The following CDC40 variants were observed in gnomAD, a reference collection of about 807,000 sequenced individuals.
CDC40 encodes the protein cell division cycle 40.
CDC40 carries 27 observed loss-of-function variants against 80.6 expected under a neutral mutation model. The observed-to-expected ratio is 0.33, with a 90% CI of 0.25 to 0.46. CDC40 has a LOEUF of 0.46. Among genes scored for constraint, CDC40 ranks in the 20% least tolerant of loss-of-function variants. The probability of loss-of-function intolerance (pLI) is 1.00; values close to 1 mark genes in which losing one functional copy is unlikely to be tolerated. For synonymous variants in CDC40, 221 were observed against 232.6 expected (o/e 0.95, Z 0.45); for missense variants, 486 against 694.1 (o/e 0.70, Z 3.37).
chr6:110,231,065 C>T lies in CDC40; in HGVS notation c.*934C>T, dbSNP rs1488868906. The T allele has an allele frequency of 2.0e-5, 3 of 151,808 alleles. No homozygotes were observed. The highest frequency in any genetic ancestry group is 2.1e-4 in the South Asian group (1 of 4,816). 9.4% of individuals were successfully genotyped at this position (151,808 alleles called of 1,614,324 possible). The stretch of plus-strand genomic sequence containing the variant: ...TTCTTATTTTACCTGTGAATATATA[C>T]AACAGAACTTTTTAAGATTAAAAAA... On this transcript the variant is annotated 3_prime_UTR_variant, in exon 15 of 15. Coordinates refer to ENST00000307731, the MANE Select transcript of CDC40 (RefSeq NM_015891.3).
chr6:110,180,642 T>G lies in CDC40; in HGVS notation c.189+9T>G. On this transcript the variant is annotated intron_variant, in intron 1 of 14. Coordinates refer to ENST00000307731, the MANE Select transcript of CDC40 (RefSeq NM_015891.3). ...CGGAGGTGGCAGTTAAGGTAAGCACTTTTGCTACTAATGCAGTGTGGGAAT... is the reference window on the plus strand; with the variant it reads ...CGGAGGTGGCAGTTAAGGTAAGCACGTTTGCTACTAATGCAGTGTGGGAAT... 1.2e-6 allele frequency: 2 copies of G among 1,603,552 alleles called. No homozygotes were observed. The highest frequency in any genetic ancestry group is 1.7e-6 in the Non-Finnish European group (2 of 1,170,846).
intron 4 of CDC40, 50 bp from the exon 5 acceptor site, chr6:110,209,034 A>G: frequency 3.6e-6 from 4 of 1,107,598 alleles, no homozygotes; most frequent in Non-Finnish European, 3.9e-6. Flanking sequence ...GAAAATGTAC[A>G]TCTTTGTAAT....
intron 3 of CDC40, 34 bp downstream of exon 3, chr6:110,201,721 G>T: frequency 1.3e-6 from 2 of 1,597,942 alleles, no homozygotes; most frequent in South Asian, 2.2e-5. Context: ...TTTCAATTTT[G>T]GCTTTATTAG....
Position 110,192,023 on chromosome 6 carries a change from C to T in CDC40, c.190-1159C>T, listed in dbSNP as rs537266443. Among the ~76,000 whole-genome samples the T allele has an allele frequency of 7.3e-4, 111 of 152,278 alleles. 3 individuals carry two copies. In the South Asian group the frequency reaches 0.022, roughly 30 times the overall value. On this transcript the variant is annotated intron_variant, in intron 1 of 14. Transcript: ENST00000307731. ...AAAACAAAAATGCCCTGTAAAACTACTCTAGGGAACCTGCCTACTTCCTGA... is the reference window on the plus strand; with the variant it reads ...AAAACAAAAATGCCCTGTAAAACTATTCTAGGGAACCTGCCTACTTCCTGA...
rs1777166134 is a variant in CDC40, at chr6:110,180,551, C to G, written c.107C>G (p.Ser36Cys). ...SSRCPLPAADSLMHLTKSPSS... is the reference protein window; with the variant it reads ...SSRCPLPAADCLMHLTKSPSS... ...CGGTGTCCGCTGCCAGCCGCCGACT[C>G]CCTCATGCACTTGACTAAATCGCCT... Residue 36 changes from serine to cysteine, a missense_variant, in exon 1 of 15, where the codon TCC (serine) becomes TGC (cysteine). Around this residue, in one of 3 missense-constraint regions of CDC40, gnomAD observed 381 missense variants for 492.1 expected, o/e 0.77. Transcript: ENST00000307731. 5 of 1,614,146 alleles carry G rather than the reference C, an allele frequency of 3.1e-6. No homozygotes were observed. The East Asian group carries it at 1.1e-4, about 36-fold the overall frequency.
intron 7 of CDC40, 32 bp downstream of exon 7, chr6:110,212,304 A>G (rs1336786424): frequency 1.2e-6 from 2 of 1,606,616 alleles, no homozygotes; most frequent in Non-Finnish European, 1.7e-6. Context: ...GTTTGCTGTA[A>G]TGTTATAATA....
In CDC40 at chr6:110,220,477, T is replaced by G. The variant is rs1397971252; in HGVS notation, c.1340+608T>G. On this transcript the variant is annotated intron_variant, in intron 12 of 14. Transcript: ENST00000307731. ...TTTTTTTTTTTTTTTTGAGACGGAT[T>G]CTTGCTGTGCCACCCAGGCTGCAGT... 2.8e-5 allele frequency among the ~76,000 whole-genome samples: 4 copies of G among 143,868 alleles called. 1 individual carries two copies. In the South Asian group the frequency reaches 9.2e-4, roughly 33 times the overall value. The allele number at this position is 143,868 out of a possible 152,430, so 94.4% of individuals were successfully genotyped here.
At chr6:110,226,464 CAA>C (rs1252142754) in intron 13 of CDC40, among the ~76,000 whole-genome samples, 2 of 152,136 alleles carry the variant, frequency 1.3e-5, no homozygotes, top group Non-Finnish European at 2.9e-5. Flanking sequence ...ATAAAAGAAA[CAA>C]TGATTTACAG....
chr6:110,184,258 A>C (rs1237141346), intron 1 of CDC40, among the ~76,000 whole-genome samples: 1 of 152,164 alleles, frequency 6.6e-6, no homozygotes, highest in Non-Finnish European at 1.5e-5. Flanking sequence ...TTCTATATAC[A>C]GTTTAGAATT....
Position 110,213,176 on chromosome 6 carries a change from C to T in CDC40, c.942+16C>T. The T allele has an allele frequency of 1.6e-5, 23 of 1,479,694 alleles. No homozygotes were observed. The highest frequency in any genetic ancestry group is 2.2e-5 in the Non-Finnish European group (23 of 1,057,490). 91.7% of individuals were successfully genotyped at this position (1,479,694 alleles called of 1,614,324 possible). On this transcript the variant is annotated intron_variant, in intron 8 of 14. Coordinates refer to ENST00000307731, the MANE Select transcript of CDC40 (RefSeq NM_015891.3). Reference sequence around the variant, plus strand: ...TAAAATTAAGGTGAGTTTTCAGTAACAGAGTAGGAGTGCTGCAAAGCTAGT... The same window carrying T: ...TAAAATTAAGGTGAGTTTTCAGTAATAGAGTAGGAGTGCTGCAAAGCTAGT...
Position 110,230,159 on chromosome 6 carries a change from T to G in CDC40, c.*28T>G, listed in dbSNP as rs751176160. 8.8e-6 allele frequency: 12 copies of G among 1,368,068 alleles called. No homozygotes were observed. The highest frequency in any genetic ancestry group is 1.8e-5 in the Admixed American group (1 of 55,556). The allele number at this position is 1,368,068 out of a possible 1,614,324, so 84.7% of individuals were successfully genotyped here. ...AGATTAATCCTTAAACTAGCTGGGA[T>G]CATTTTTGATCCATTGTCATATTTA... On this transcript the variant is annotated 3_prime_UTR_variant, in exon 15 of 15. Coordinates refer to ENST00000307731, the MANE Select transcript of CDC40 (RefSeq NM_015891.3).
At position 110,193,231 on chromosome 6, in the gene CDC40, A is replaced by G. The variant is rs1436296568; in HGVS notation, c.239A>G (p.Gln80Arg). The G allele has an allele frequency of 2.5e-6, 4 of 1,609,720 alleles. No homozygotes were observed. Among genetic ancestry groups the G allele is most frequent in the East Asian group, 4.5e-5 (2 of 44,840 alleles). ...VHLDPAVKEV[Q>R]YNPTYETMFA... ...CTTGACCCTGCCGTCAAAGAAGTTC[A>G]GTATAATCCTACCTATGAGACCATG... The change falls in exon 2 of 15, where the codon CAG becomes CGG. Residue 80 changes from glutamine (Q) to arginine (R), a missense_variant. Coordinates refer to ENST00000307731, the MANE Select transcript of CDC40 (RefSeq NM_015891.3).
At chr6:110,223,285 C>G (rs1777802400) in intron 12 of CDC40, among the ~76,000 whole-genome samples, 2 of 152,148 alleles carry the variant, frequency 1.3e-5, no homozygotes, top group South Asian at 4.2e-4. Context: ...GGGTCTCACT[C>G]TGTTTGCTGG....
At chr6:110,220,299 T>C (rs1310429221) in intron 12 of CDC40, among the ~76,000 whole-genome samples, 1 of 152,194 alleles carries the variant, frequency 6.6e-6, no homozygotes, top group Admixed American at 6.5e-5. Context: ...TTTTCAGTAC[T>C]GAAAATGCCC....
chr6:110,202,883 G>T (rs1777510921), intron 3 of CDC40, among the ~76,000 whole-genome samples: 1 of 151,972 alleles, frequency 6.6e-6, no homozygotes, highest in Non-Finnish European at 1.5e-5. Flanking sequence ...GGAGATTTTT[G>T]CCTCTCCCAC....
At chr6:110,182,939 G>A (rs1209394556) in intron 1 of CDC40, among the ~76,000 whole-genome samples, 1 of 152,108 alleles carries the variant, frequency 6.6e-6, no homozygotes, top group Admixed American at 6.5e-5. Context: ...ACACCATGTT[G>A]TCCAATGGGT....
intron 9 of CDC40, 115 bp downstream of exon 9, chr6:110,215,446 T>C (rs1160466816): frequency 1.2e-6 from 1 of 842,250 alleles, no homozygotes; most frequent in Non-Finnish European, 2.0e-6. Flanking sequence ...AGATTTCAGC[T>C]GAATCTGGAA....
intron 1 of CDC40, among the ~76,000 whole-genome samples, chr6:110,184,410 G>A (rs1293613411): frequency 1.4e-5 from 2 of 141,974 alleles, no homozygotes; most frequent in South Asian, 2.3e-4. Context: ...CCCAAAGTTT[G>A]TAATTGTCTC....
At chr6:110,211,176 G>A (rs1277333237) in intron 6 of CDC40, 1 of 152,470 alleles carries the variant, frequency 6.6e-6, no homozygotes, top group African/African-American at 2.4e-5. Flanking sequence ...CAAATACTCA[G>A]GTATCCTCAC....
Sources: allele counts gnomAD v4.1 joint callset (sites outside exome capture counted in the v4.1 genomes callset), GRCh38; gene constraint gnomAD v4.1.1; regional missense constraint gnomAD v4.1.1; transcripts MANE v1.5; gene names NCBI Gene and HGNC (gene_info 2026-07-23, HGNC 2026-07-21).